The following SPATA13 variants were observed in gnomAD, a reference collection of about 807,000 sequenced individuals.
SPATA13 encodes spermatogenesis-associated protein 13.
A neutral mutation model predicts 104.0 loss-of-function variants in SPATA13; 50 were observed. The observed-to-expected ratio is 0.48, with a 90% CI of 0.38 to 0.61. The LOEUF (loss-of-function observed/expected upper bound fraction) is 0.61, where lower values mean the gene tolerates loss of function less well. SPATA13 is among the 20% of genes least tolerant of loss of function. The pLI, the probability that SPATA13 is intolerant of heterozygous loss-of-function variation, is 0.00. For synonymous variants in SPATA13, 606 were observed against 667.5 expected (o/e 0.91, Z 1.42); for missense variants, 1,524 against 1,690.6 (o/e 0.90, Z 1.73).
At chr13:24,112,233 T>C (rs968087873) in intron 3 of SPATA13, among the ~76,000 whole-genome samples, 1 of 152,200 alleles carries the variant, frequency 6.6e-6, no homozygotes, top group African/African-American at 2.4e-5. Context: ...TGTTCTCTCC[T>C]CTGGCATTGT....
chr13:24,234,711 G>A (rs1872480013), intron 2 of SPATA13, among the ~76,000 whole-genome samples: 1 of 152,174 alleles, frequency 6.6e-6, no homozygotes, highest in African/African-American at 2.4e-5. Flanking sequence ...ACTGGTGCAG[G>A]AATAGAGAGA....
At position 24,004,282 on chromosome 13, in the gene SPATA13, G is replaced by C. The variant is rs1001585047; in HGVS notation, c.-146-13385G>C. On this transcript the variant is annotated intron_variant, in intron 2 of 14. Coordinates refer to the SPATA13 transcript ENST00000424834. ...CAGTCATCAGTCAATAAAGAGTCAG[G>C]AGTGAAATCCCGGTTCTTGTACCAA... Among the ~76,000 whole-genome samples, 7 of 152,184 alleles carry C rather than the reference G, an allele frequency of 4.6e-5. No homozygotes were observed. The South Asian group carries it at 1.0e-3, about 23-fold the overall frequency.
At chr13:24,096,913 G>C (rs1880104123) in intron 3 of SPATA13, among the ~76,000 whole-genome samples, 1 of 152,182 alleles carries the variant, frequency 6.6e-6, no homozygotes, top group Admixed American at 6.5e-5. Context: ...ATGCTGCTGA[G>C]GATTTGAAGC....
chr13:24,277,933 T>C (rs1875139202), intron 4 of SPATA13, among the ~76,000 whole-genome samples: 1 of 152,076 alleles, frequency 6.6e-6, no homozygotes. Flanking sequence ...AAAACACACT[T>C]GAATTATGGG....
intron 1 of SPATA13, among the ~76,000 whole-genome samples, chr13:24,165,535 A>G (rs973784361): frequency 1.3e-5 from 2 of 152,148 alleles, no homozygotes; most frequent in Admixed American, 6.5e-5. Context: ...TGGGCCACCC[A>G]GTCTCCTGCC....
intron 3 of SPATA13, among the ~76,000 whole-genome samples, chr13:24,068,076 G>T (rs567373622): frequency 6.6e-6 from 1 of 152,082 alleles, no homozygotes; most frequent in African/African-American, 2.4e-5. Context: ...TGTATCATGG[G>T]GGTTTGTTGT....
At chr13:24,118,144 C>T (rs1880912912) in intron 3 of SPATA13, among the ~76,000 whole-genome samples, 1 of 152,142 alleles carries the variant, frequency 6.6e-6, no homozygotes, top group Non-Finnish European at 1.5e-5. Context: ...GCACGTAACT[C>T]CAAACCTGAG....
At chr13:24,293,076 GAGC>G (rs1876518292) in intron 9 of SPATA13, among the ~76,000 whole-genome samples, 1 of 139,916 alleles carries the variant, frequency 7.1e-6, no homozygotes, top group East Asian at 2.2e-4. Flanking sequence ...TAAAGAATAA[GAGC>G]AGATCACTGA....
At position 24,125,059 on chromosome 13, in the gene SPATA13, C is replaced by A. The variant is rs560816965; in HGVS notation, c.-111-97760C>A. Among the ~76,000 whole-genome samples, 8 of 152,348 alleles carry A rather than the reference C, an allele frequency of 5.3e-5. No homozygotes were observed. The East Asian group carries it at 1.5e-3, about 29-fold the overall frequency. On this transcript the variant is annotated intron_variant, in intron 3 of 14. Coordinates refer to the SPATA13 transcript ENST00000424834. ...CAGGGGCTCTCCCCGGTATTTCTCC[C>A]AATGGCCCCATTGTCTCTCCTCTCT...
chr13:24,218,630 G>A (rs930887948), intron 1 of SPATA13, among the ~76,000 whole-genome samples: 3 of 151,956 alleles, frequency 2.0e-5, no homozygotes, highest in South Asian at 2.1e-4. Context: ...CCAGTGGGCC[G>A]CAGGCTGCAT....
At chr13:24,230,391 C>T (rs1409018887) in intron 2 of SPATA13, among the ~76,000 whole-genome samples, 1 of 152,128 alleles carries the variant, frequency 6.6e-6, no homozygotes, top group Non-Finnish European at 1.5e-5. Flanking sequence ...CCAAAGGCGG[C>T]AGAATGAAGA....
chr13:24,152,701 C>T (rs1361871612), intron 3 of SPATA13, among the ~76,000 whole-genome samples: 2 of 152,198 alleles, frequency 1.3e-5, no homozygotes, highest in African/African-American at 4.8e-5. Context: ...TCACCATCAC[C>T]CGTTCTTCAA....
At chr13:24,132,433 C>G (rs961490502) in intron 3 of SPATA13, among the ~76,000 whole-genome samples, 4 of 152,230 alleles carry the variant, frequency 2.6e-5, no homozygotes, top group Non-Finnish European at 5.9e-5. Context: ...GAGTTTCAGT[C>G]CTGGCTCTGT....
intron 3 of SPATA13, among the ~76,000 whole-genome samples, chr13:24,047,723 G>A (rs1878200921): frequency 6.6e-6 from 1 of 152,094 alleles, no homozygotes; most frequent in Admixed American, 6.6e-5. Context: ...TTTTTCACTT[G>A]TATCAGCAAG....
At chr13:24,036,901 G>A (rs538731360) in intron 3 of SPATA13, among the ~76,000 whole-genome samples, 10 of 151,726 alleles carry the variant, frequency 6.6e-5, no homozygotes, top group East Asian at 2.0e-4. Flanking sequence ...TCAGCCTCCC[G>A]AGTAGCTGAG....
chr13:24,095,407 T>C (rs1880040126), intron 3 of SPATA13, among the ~76,000 whole-genome samples: 2 of 152,012 alleles, frequency 1.3e-5, no homozygotes, highest in Non-Finnish European at 2.9e-5. Flanking sequence ...TACCCAGGGC[T>C]GGGGTAGGGG....
chr13:24,254,873 G>A (rs1233284294), intron 4 of SPATA13, among the ~76,000 whole-genome samples: 1 of 151,866 alleles, frequency 6.6e-6, no homozygotes, highest in East Asian at 1.9e-4. Context: ...TGACTAGGAA[G>A]GAAGACTGGC....
At chr13:24,239,693 T>TAAAAAAAAAAAAAAAAAAAAAAAAAAA in intron 2 of SPATA13, among the ~76,000 whole-genome samples, 1 of 46,942 alleles carries the variant, frequency 2.1e-5, no homozygotes, top group Non-Finnish European at 3.8e-5. Flanking sequence ...AGACCATATC[T>TAAAAAAAAAAAAAAAAAAAAAAAAAAA]AAAAAAAAAA....
intron 3 of SPATA13, among the ~76,000 whole-genome samples, chr13:24,070,930 G>A (rs1424355321): frequency 1.3e-5 from 2 of 152,108 alleles, no homozygotes; most frequent in East Asian, 1.9e-4. Flanking sequence ...CTGCCAACTC[G>A]TGCTGCAGAT....
Sources: allele counts gnomAD v4.1 joint callset (sites outside exome capture counted in the v4.1 genomes callset), GRCh38; gene constraint gnomAD v4.1.1; transcripts MANE v1.5; gene names NCBI Gene and HGNC (gene_info 2026-07-23, HGNC 2026-07-21).